The following CCDC171 variants were observed in gnomAD, a reference collection of about 807,000 sequenced individuals.
CCDC171 encodes coiled-coil domain containing 171, also known as coiled-coil domain-containing protein 171.
A neutral mutation model predicts 168.2 loss-of-function variants in CCDC171; 177 were observed. That is an observed-to-expected ratio of 1.05 (90% CI 0.93 to 1.19). CCDC171 has a LOEUF of 1.19. Ranked by LOEUF, CCDC171 falls within the 50% of genes most tolerant of loss-of-function variation. CCDC171 has a pLI of 0.00. For missense variants in CCDC171, 1,991 were observed against 1,539.0 expected, an observed-to-expected ratio of 1.29 and a Z score of -4.91; for synonymous variants, 687 against 540.8, an observed-to-expected ratio of 1.27 and a Z score of -3.75.
chr9:15,560,159 T>C lies in CCDC171; in HGVS notation c.-111-3819T>C, dbSNP rs1202615304. Reference sequence around the variant, plus strand: ...ACCTGACGTTTCTGGCTGCCCTTAATATTTTTTCCTTCATTTCAACTTTGG... The same window carrying C: ...ACCTGACGTTTCTGGCTGCCCTTAACATTTTTTCCTTCATTTCAACTTTGG... On this transcript the variant is annotated intron_variant, in intron 1 of 25. Transcript: ENST00000380701. 2.8e-4 allele frequency among the ~76,000 whole-genome samples: 42 copies of C among 152,230 alleles called. 1 individual carries two copies.
intron 10 of CCDC171, among the ~76,000 whole-genome samples, chr9:15,682,174 T>C (rs1429233730): frequency 1.3e-5 from 2 of 152,062 alleles, no homozygotes; most frequent in East Asian, 1.9e-4. Context: ...ATACAAAGAC[T>C]TGAGCAAATT....
chr9:15,754,751 C>T (rs1031581723), intron 18 of CCDC171, among the ~76,000 whole-genome samples: 1 of 152,084 alleles, frequency 6.6e-6, no homozygotes, highest in African/African-American at 2.4e-5. Context: ...GTAGTTTTAC[C>T]TATCTCATAG....
chr9:15,560,515 A>G (rs62573060), intron 1 of CCDC171, among the ~76,000 whole-genome samples: 2 of 152,120 alleles, frequency 1.3e-5, no homozygotes, highest in Non-Finnish European at 2.9e-5. Flanking sequence ...CCACTTGATC[A>G]AATCGGCTAC....
chr9:15,788,918 C>G (rs1175174131), intron 21 of CCDC171, among the ~76,000 whole-genome samples: 1 of 151,926 alleles, frequency 6.6e-6, no homozygotes, highest in Non-Finnish European at 1.5e-5. Context: ...TCAGAATGGC[C>G]TTTTGTTTTA....
chr9:15,841,261 G>C (rs554503245), intron 21 of CCDC171, among the ~76,000 whole-genome samples: 1 of 151,964 alleles, frequency 6.6e-6, no homozygotes, highest in South Asian at 2.1e-4. Context: ...ATACGTATTT[G>C]TATGTATATA....
At chr9:15,944,353 A>G (rs1278051651) in intron 25 of CCDC171, among the ~76,000 whole-genome samples, 3 of 152,110 alleles carry the variant, frequency 2.0e-5, no homozygotes. Context: ...AACATGAAAC[A>G]GAAGAGGACT....
chr9:15,881,360 G>C (rs1186363371), intron 24 of CCDC171, among the ~76,000 whole-genome samples: 1 of 151,974 alleles, frequency 6.6e-6, no homozygotes, highest in African/African-American at 2.4e-5. Flanking sequence ...ATGCATAATA[G>C]ATGTACATGG....
chr9:16,007,658 C>T (rs1398268566), intron 3 of CCDC171, among the ~76,000 whole-genome samples: 6 of 152,274 alleles, frequency 3.9e-5, no homozygotes, highest in Admixed American at 6.5e-5. Context: ...TATGGCTAGC[C>T]AGTTTTCCCA....
intron 9 of CCDC171, among the ~76,000 whole-genome samples, chr9:15,676,619 C>T (rs934276467): frequency 3.3e-5 from 5 of 152,054 alleles, no homozygotes; most frequent in African/African-American, 1.2e-4. Context: ...CCCTCTAATT[C>T]TCTTGTATTT....
At chr9:16,043,345 T>C (rs1833603273) in intron 1 of CCDC171, among the ~76,000 whole-genome samples, 1 of 152,230 alleles carries the variant, frequency 6.6e-6, no homozygotes, top group Admixed American at 6.5e-5. Context: ...TAATTTATTA[T>C]GACTATCATT....
At chr9:15,554,083 G>A (rs1032910730) in intron 1 of CCDC171, among the ~76,000 whole-genome samples, 2 of 150,756 alleles carry the variant, frequency 1.3e-5, no homozygotes, top group African/African-American at 2.4e-5. Context: ...GCAGTGGCGC[G>A]ATCTCGGCTC....
intron 24 of CCDC171, among the ~76,000 whole-genome samples, chr9:15,890,061 G>A (rs1314083539): frequency 1.3e-5 from 2 of 152,156 alleles, no homozygotes; most frequent in African/African-American, 4.8e-5. Flanking sequence ...CAGCTCTGTT[G>A]ATCATATAGA....
At chr9:15,554,329 T>G (rs12350903) in intron 1 of CCDC171, among the ~76,000 whole-genome samples, 1 of 152,334 alleles carries the variant, frequency 6.6e-6, no homozygotes, top group South Asian at 2.1e-4. Context: ...ATGTCACTTA[T>G]TTTATTTAAC....
chr9:15,761,327 G>T (rs1379786068), intron 18 of CCDC171, among the ~76,000 whole-genome samples: 1 of 152,104 alleles, frequency 6.6e-6, no homozygotes, highest in African/African-American at 2.4e-5. Context: ...CAACATTGAG[G>T]TTTCATACTA....
chr9:15,601,971 A>C (rs1277221715), intron 6 of CCDC171, among the ~76,000 whole-genome samples: 1 of 152,176 alleles, frequency 6.6e-6, no homozygotes, highest in African/African-American at 2.4e-5. Context: ...CAAAGTTTAT[A>C]TGTGAAGTAC....
intron 21 of CCDC171, among the ~76,000 whole-genome samples, chr9:15,827,510 A>C (rs2060062679): frequency 6.6e-6 from 1 of 152,172 alleles, no homozygotes; most frequent in Non-Finnish European, 1.5e-5. Flanking sequence ...TGTCATCTTG[A>C]ACTAGACTTT....
chr9:16,020,306 T>C (rs1420148477), intron 3 of CCDC171, among the ~76,000 whole-genome samples: 1 of 151,992 alleles, frequency 6.6e-6, no homozygotes, highest in Non-Finnish European at 1.5e-5. Flanking sequence ...AGATATCTCA[T>C]TATATATATG....
At chr9:15,608,997 A>G (rs1366882526) in intron 6 of CCDC171, among the ~76,000 whole-genome samples, 2 of 139,192 alleles carry the variant, frequency 1.4e-5, no homozygotes, top group Non-Finnish European at 3.1e-5. Context: ...TAAAAAATAT[A>G]TTTAGTAACT....
rs535562266 is a variant in CCDC171, at chr9:15,702,725, G to A, written c.1318+7388G>A. Among the ~76,000 whole-genome samples, 201 of 152,280 alleles carry A rather than the reference G, an allele frequency of 1.3e-3. 1 individual carries two copies. Among genetic ancestry groups the A allele is most frequent in the Non-Finnish European group, 1.9e-3 (132 of 68,030 alleles). On this transcript the variant is annotated intron_variant, in intron 11 of 25. Coordinates refer to ENST00000380701, the MANE Select transcript of CCDC171 (RefSeq NM_173550.4). ...CATCGGGGATTTTAGCTAGATCTGC[G>A]GATAACTTGCTACAGCTTCTACATC... is the stretch of plus-strand genomic sequence containing the variant.
Sources: gnomAD v4.1 joint callset for allele counts (sites outside exome capture counted in the v4.1 genomes callset) on GRCh38, gnomAD v4.1.1 for gene constraint, MANE v1.5 for transcripts, NCBI Gene and HGNC (gene_info 2026-07-23, HGNC 2026-07-21) for gene names.